Variants in CUL2 observed in about 807,000 individuals in gnomAD.
CUL2 encodes the protein cullin 2, also known as cullin-2.
Under a neutral mutation model 110.2 loss-of-function variants are expected in CUL2, and 22 were observed. The observed-to-expected ratio is 0.20, with a 90% CI of 0.14 to 0.28. The LOEUF is 0.28. Ranked by LOEUF, CUL2 falls within the 10% of genes least tolerant of loss-of-function variation. The probability of loss-of-function intolerance (pLI) is 1.00; values close to 1 mark genes in which losing one functional copy is unlikely to be tolerated. For missense variants in CUL2, 631 were observed against 905.5 expected (o/e 0.70, Z 3.89); for synonymous variants, 279 against 293.2 (o/e 0.95, Z 0.49).
intron 1 of CUL2, among the ~76,000 whole-genome samples, chr10:35,075,645 C>T (rs1439851506): frequency 9.1e-4 from 92 of 101,154 alleles, no homozygotes; most frequent in African/African-American, 3.1e-3. Context: ...AACACACACA[C>T]ACACACACAC....
At chr10:35,097,090 G>A (rs775913563) in intron 2 of CUL2, among the ~76,000 whole-genome samples, 2 of 152,068 alleles carry the variant, frequency 1.3e-5, no homozygotes, top group Non-Finnish European at 1.5e-5. Flanking sequence ...GATTACAGGC[G>A]TGAGCCACCG....
intron 8 of CUL2, among the ~76,000 whole-genome samples, chr10:35,043,937 G>A (rs932043367): frequency 6.6e-6 from 1 of 150,984 alleles, no homozygotes; most frequent in Admixed American, 6.7e-5. Flanking sequence ...GCGTGGTGGT[G>A]TGTGCCTGTA....
At chr10:35,046,146 C>G (rs935649388) in intron 6 of CUL2, among the ~76,000 whole-genome samples, 1 of 152,210 alleles carries the variant, frequency 6.6e-6, no homozygotes, top group Admixed American at 6.5e-5. Context: ...AATATGGCTA[C>G]AGTAATTCTG....
At chr10:35,035,074 G>A in intron 10 of CUL2, 98 bp downstream of exon 10, 1 of 1,401,134 alleles carries the variant, frequency 7.1e-7, no homozygotes, top group South Asian at 1.3e-5. Flanking sequence ...GGCATGGTAA[G>A]ACTTTTTCTT....
chr10:35,071,938 A>G (rs939117254), intron 1 of CUL2, among the ~76,000 whole-genome samples: 9 of 152,180 alleles, frequency 5.9e-5, no homozygotes, highest in Non-Finnish European at 1.0e-4. Context: ...CTCATTTAAT[A>G]TTGCGAGGGA....
chr10:35,116,905 C>T (rs771850153), intron 1 of CUL2, among the ~76,000 whole-genome samples: 3 of 149,816 alleles, frequency 2.0e-5, no homozygotes, highest in Non-Finnish European at 4.4e-5. Context: ...TGCAGTGAGT[C>T]GAGACTGTGC....
chr10:35,115,313 G>A (rs931906323), intron 1 of CUL2, among the ~76,000 whole-genome samples: 6 of 152,152 alleles, frequency 3.9e-5, no homozygotes, highest in Non-Finnish European at 8.8e-5. Context: ...TGTAATCCCA[G>A]CACTTTGGGA....
intron 1 of CUL2, among the ~76,000 whole-genome samples, chr10:35,089,353 A>G (rs2087144053): frequency 6.6e-6 from 1 of 152,228 alleles, no homozygotes. Context: ...TTAAGCGATT[A>G]TTATGTAGTC....
chr10:35,102,795 A>G (rs1481158916), intron 1 of CUL2, among the ~76,000 whole-genome samples: 1 of 151,506 alleles, frequency 6.6e-6, no homozygotes, highest in Non-Finnish European at 1.5e-5. Flanking sequence ...AGGCAGGAGA[A>G]TCGCTTGAAC....
intron 2 of CUL2, among the ~76,000 whole-genome samples, chr10:35,066,441 T>C (rs552499345): frequency 1.3e-5 from 2 of 151,362 alleles, no homozygotes; most frequent in Admixed American, 1.3e-4. Context: ...GGGATTACAG[T>C]TGAGCGCCAC....
chr10:35,034,749 T>C (rs193156151), intron 10 of CUL2, among the ~76,000 whole-genome samples: 18 of 152,308 alleles, frequency 1.2e-4, no homozygotes, highest in African/African-American at 4.1e-4. Context: ...GAAGATTATT[T>C]TAATCTAAAT....
intron 9 of CUL2, among the ~76,000 whole-genome samples, chr10:35,035,885 A>G (rs369507628): frequency 6.6e-6 from 1 of 152,238 alleles, no homozygotes; most frequent in South Asian, 2.1e-4. Context: ...ATGTGTTGCC[A>G]AATGTTTTGA....
chr10:35,039,141 T>TA (rs1182359054), intron 8 of CUL2, 59 bp from the exon 9 acceptor site: 2 of 1,169,048 alleles, frequency 1.7e-6, no homozygotes, highest in East Asian at 5.3e-5. Context: ...GAAAAATCTG[T>TA]AATATCAGCA....
chr10:35,124,956 A>G (rs1473407001), intron 1 of CUL2, among the ~76,000 whole-genome samples: 1 of 152,246 alleles, frequency 6.6e-6, no homozygotes, highest in Non-Finnish European at 1.5e-5. Flanking sequence ...ATTAACTATC[A>G]CCTAGGTGAG....
At position 35,050,336 on chromosome 10, in the gene CUL2, A is replaced by AC. The variant is rs2086070926; in HGVS notation, c.424-572_424-571insG. Among the ~76,000 whole-genome samples, 4 of 152,060 alleles carry AC rather than the reference A, an allele frequency of 2.6e-5. No individual in the cohort carries two copies. In the South Asian group the frequency reaches 8.3e-4, roughly 32 times the overall value. On this transcript the variant is annotated intron_variant, in intron 5 of 20. Transcript: ENST00000374749. ...AGACTCCGTCTCAAAAAAAAAAAAA[A>AC]AACTTAATTTTTTGATTGTTAAAAT...
chr10:35,042,855 C>A (rs570584531), intron 8 of CUL2, among the ~76,000 whole-genome samples: 1 of 152,246 alleles, frequency 6.6e-6, no homozygotes, highest in East Asian at 1.9e-4. Context: ...GCCAGTCGGT[C>A]AGTAGTCCGG....
intron 2 of CUL2, among the ~76,000 whole-genome samples, chr10:35,063,600 A>G (rs2086439783): frequency 6.6e-6 from 1 of 152,214 alleles, no homozygotes; most frequent in Non-Finnish European, 1.5e-5. Context: ...AGGAATATCA[A>G]TTAAGTTTCT....
intron 14 of CUL2, among the ~76,000 whole-genome samples, chr10:35,030,258 T>C (rs2085447720): frequency 1.3e-5 from 2 of 152,266 alleles, no homozygotes. Flanking sequence ...ATATTTTTAA[T>C]AGCATCTACT....
chr10:35,098,223 A>G (rs1589060514), intron 2 of CUL2: 1 of 152,310 alleles, frequency 6.6e-6, no homozygotes, highest in South Asian at 2.1e-4. Flanking sequence ...CAGGTAATTT[A>G]ATAAGCTAAA....
Sources: allele counts gnomAD v4.1 joint callset (sites outside exome capture counted in the v4.1 genomes callset), GRCh38; gene constraint gnomAD v4.1.1; transcripts MANE v1.5; gene names NCBI Gene and HGNC (gene_info 2026-07-23, HGNC 2026-07-21).